NRG1: variants seen among roughly 807,000 people sequenced by gnomAD.
The protein encoded by NRG1 is pro-neuregulin-1, membrane-bound isoform.
NRG1 carries 18 observed loss-of-function variants against 63.8 expected under a neutral mutation model. The ratio of observed to expected loss-of-function variants is 0.28; its 90% confidence interval spans 0.19 to 0.42. The LOEUF is 0.42. NRG1 is among the 10% of genes least tolerant of loss of function. The pLI is 1.00. For synonymous variants in NRG1, 302 were observed against 301.3 expected (o/e 1.00, Z -0.02); for missense variants, 762 against 814.7 (o/e 0.94, Z 0.79).
chr8:32,652,263 C>T (rs78672160), intron 5 of NRG1, among the ~76,000 whole-genome samples: 8,584 of 152,202 alleles, frequency 0.056, 320 homozygotes, highest in Non-Finnish European at 0.08. Flanking sequence ...TTCTTCTCGC[C>T]TTCCTGTTTT....
chr8:32,288,978 T>C (rs762364872), intron 1 of NRG1, among the ~76,000 whole-genome samples: 1 of 152,140 alleles, frequency 6.6e-6, no homozygotes, highest in African/African-American at 2.4e-5. Context: ...CTAGGACAAA[T>C]ATAACCACGC....
intron 1 of NRG1, among the ~76,000 whole-genome samples, chr8:31,807,387 C>A (rs1447291514): frequency 6.6e-6 from 1 of 152,084 alleles, no homozygotes; most frequent in African/African-American, 2.4e-5. Context: ...CACTATATGA[C>A]AAGTTTAGTG....
chr8:31,811,463 TAA>T (rs1480285626), intron 1 of NRG1, among the ~76,000 whole-genome samples: 1 of 152,244 alleles, frequency 6.6e-6, no homozygotes, highest in Admixed American at 6.5e-5. Flanking sequence ...GCACTTATTC[TAA>T]AATATGATTT....
intron 1 of NRG1, among the ~76,000 whole-genome samples, chr8:32,114,478 C>A (rs569524150): frequency 6.6e-6 from 1 of 152,124 alleles, no homozygotes; most frequent in Non-Finnish European, 1.5e-5. Flanking sequence ...TGTTTATCAG[C>A]CTTTCAGCAC....
intron 1 of NRG1, among the ~76,000 whole-genome samples, chr8:31,683,987 T>C (rs1421388347): frequency 6.6e-6 from 1 of 152,184 alleles, no homozygotes; most frequent in African/African-American, 2.4e-5. Flanking sequence ...AGCATATAAA[T>C]ATAGAGCATG....
chr8:31,843,415 A>G (rs1009464372), intron 1 of NRG1, among the ~76,000 whole-genome samples: 2 of 152,220 alleles, frequency 1.3e-5, no homozygotes, highest in Admixed American at 1.3e-4. Context: ...ATTTTCAGCT[A>G]ATCTACTGAG....
At chr8:31,878,169 G>T (rs1830068207) in intron 1 of NRG1, among the ~76,000 whole-genome samples, 1 of 152,018 alleles carries the variant, frequency 6.6e-6, no homozygotes, top group African/African-American at 2.4e-5. Flanking sequence ...TCTAATTATG[G>T]GTGCAGGCAC....
At chr8:32,381,650 T>G (rs1587239774) in intron 1 of NRG1, among the ~76,000 whole-genome samples, 1 of 152,296 alleles carries the variant, frequency 6.6e-6, no homozygotes, top group South Asian at 2.1e-4. Context: ...AAACAACAAC[T>G]TCTGAGTTAA....
chr8:31,812,826 T>G (rs545322028), intron 1 of NRG1, among the ~76,000 whole-genome samples: 1 of 152,280 alleles, frequency 6.6e-6, no homozygotes, highest in African/African-American at 2.4e-5. Flanking sequence ...AGAGCAAAAT[T>G]TGTCATTAAA....
chr8:31,693,554 T>A lies in NRG1; in HGVS notation c.37+54123T>A, dbSNP rs1809752335. Among the ~76,000 whole-genome samples the A allele has an allele frequency of 3.3e-5, 5 of 152,152 alleles. 1 individual carries two copies. The South Asian group carries it at 1.0e-3, about 32-fold the overall frequency. On this transcript the variant is annotated intron_variant, in intron 1 of 10. Transcript: ENST00000519301. ...AACCTCTATGAAATGAGGCATATGC[T>A]GTTTCTAAGACTCACAATATGTTTT...
At chr8:32,203,374 T>C (rs1429689302) in intron 1 of NRG1, among the ~76,000 whole-genome samples, 3 of 151,500 alleles carry the variant, frequency 2.0e-5, no homozygotes, top group Admixed American at 6.6e-5. Context: ...TCTTATTTCA[T>C]TTATTCACTT....
chr8:32,646,407 T>A (rs1853553089), intron 5 of NRG1, among the ~76,000 whole-genome samples: 1 of 152,138 alleles, frequency 6.6e-6, no homozygotes, highest in Non-Finnish European at 1.5e-5. Flanking sequence ...GAACAAAACT[T>A]ATTAGAGGGC....
At chr8:31,813,078 A>G (rs990224997) in intron 1 of NRG1, among the ~76,000 whole-genome samples, 23 of 152,190 alleles carry the variant, frequency 1.5e-4, no homozygotes, top group Admixed American at 9.8e-4. Flanking sequence ...CGTCATGGAT[A>G]TACTATATGT....
At chr8:32,078,506 A>C (rs1029454686) in intron 1 of NRG1, among the ~76,000 whole-genome samples, 1 of 152,222 alleles carries the variant, frequency 6.6e-6, no homozygotes, top group Admixed American at 6.5e-5. Flanking sequence ...GGAGCAACAG[A>C]TCAGAATAAA....
chr8:31,872,624 C>T (rs943804403), intron 1 of NRG1, among the ~76,000 whole-genome samples: 1 of 151,980 alleles, frequency 6.6e-6, no homozygotes, highest in African/African-American at 2.4e-5. Context: ...TATGTGCAAC[C>T]AGTAAGAGAG....
intron 1 of NRG1, among the ~76,000 whole-genome samples, chr8:32,283,474 C>T (rs189678781): frequency 4.6e-5 from 7 of 152,184 alleles, no homozygotes; most frequent in Admixed American, 6.5e-5. Context: ...AAGGGGAACA[C>T]GGGTAGGAGT....
intron 1 of NRG1, among the ~76,000 whole-genome samples, chr8:31,883,120 C>G (rs1280299334): frequency 6.6e-6 from 1 of 152,010 alleles, no homozygotes; most frequent in East Asian, 1.9e-4. Context: ...TCATTGTTGT[C>G]TTTAAAAAAA....
intron 1 of NRG1, among the ~76,000 whole-genome samples, chr8:31,849,579 A>G (rs1289165443): frequency 1.3e-5 from 2 of 152,200 alleles, no homozygotes; most frequent in Non-Finnish European, 2.9e-5. Flanking sequence ...GAAAGCCACA[A>G]TGAACTTCCT....
At chr8:31,684,350 C>T (rs922842602) in intron 1 of NRG1, among the ~76,000 whole-genome samples, 5 of 152,182 alleles carry the variant, frequency 3.3e-5, no homozygotes, top group South Asian at 2.1e-4. Flanking sequence ...GAAGGAACTA[C>T]GTTGGCCTCT....
Sources: gnomAD v4.1 joint callset for allele counts (sites outside exome capture counted in the v4.1 genomes callset) on GRCh38, gnomAD v4.1.1 for gene constraint, MANE v1.5 for transcripts, NCBI Gene and HGNC (gene_info 2026-07-23, HGNC 2026-07-21) for gene names.